The following ADK variants were observed in gnomAD, a reference collection of about 807,000 sequenced individuals.
ADK encodes the protein N6,N6-dimethyladenosine kinase.
ADK carries 24 observed loss-of-function variants against 44.7 expected under a neutral mutation model. The ratio of observed to expected loss-of-function variants is 0.54; its 90% CI spans 0.39 to 0.76. ADK has a LOEUF of 0.76. ADK is among the 30% of genes least tolerant of loss of function. The pLI is 0.00. For synonymous variants in ADK, 128 were observed against 142.6 expected, an observed-to-expected ratio of 0.90 and a Z score of 0.73; for missense variants, 321 against 425.1, an observed-to-expected ratio of 0.76 and a Z score of 2.15.
rs921583710 is a variant in ADK, at chr10:74,166,875, T to A, written c.65+15532T>A. On this transcript the variant is annotated intron_variant, in intron 1 of 10. Transcript: ENST00000539909. ...CTGTAATACCTATTGGCTTTTAGCA[T>A]GGTGCAAGGAAAAGAGCTTTGGATT... 1.4e-4 allele frequency among the ~76,000 whole-genome samples: 22 copies of A among 152,182 alleles called. 1 individual carries two copies. Among genetic ancestry groups the A allele is most frequent in the Admixed American group, 6.5e-5 (1 of 15,276 alleles).
intron 10 of ADK, among the ~76,000 whole-genome samples, chr10:74,686,100 T>C (rs1855777687): frequency 6.6e-6 from 1 of 152,120 alleles, no homozygotes; most frequent in Non-Finnish European, 1.5e-5. Flanking sequence ...TAGCTGGGAC[T>C]GCAGGTGCCC....
intron 6 of ADK, among the ~76,000 whole-genome samples, chr10:74,517,783 A>G (rs781690594): frequency 7.2e-5 from 11 of 152,130 alleles, no homozygotes; most frequent in Middle Eastern, 3.4e-3. Context: ...CAAGTGAATT[A>G]TTCTCTTCTA....
chr10:74,673,079 G>T (rs1328374857), intron 10 of ADK, among the ~76,000 whole-genome samples: 1 of 152,196 alleles, frequency 6.6e-6, no homozygotes, highest in Non-Finnish European at 1.5e-5. Context: ...CCTGTTATCT[G>T]AGTAGATGAC....
At chr10:74,284,514 T>C (rs1847082499) in intron 3 of ADK, among the ~76,000 whole-genome samples, 1 of 152,202 alleles carries the variant, frequency 6.6e-6, no homozygotes, top group Non-Finnish European at 1.5e-5. Context: ...TCTGTCTGCT[T>C]CGGCCTCGCC....
chr10:74,250,775 A>T (rs1163971653), intron 3 of ADK, among the ~76,000 whole-genome samples: 1 of 151,970 alleles, frequency 6.6e-6, no homozygotes, highest in South Asian at 2.1e-4. Context: ...ATTCAGAGGT[A>T]TTTTTGTTTT....
chr10:74,699,461 T>A (rs1242042329), intron 10 of ADK, among the ~76,000 whole-genome samples: 1 of 152,144 alleles, frequency 6.6e-6, no homozygotes. Flanking sequence ...GCGGATCACC[T>A]GCAGTCAGGA....
chr10:74,210,254 A>G (rs1236904723), intron 2 of ADK, among the ~76,000 whole-genome samples: 2 of 147,344 alleles, frequency 1.4e-5, no homozygotes, highest in Non-Finnish European at 3.0e-5. Context: ...GCTTGAACCC[A>G]GGAGCGGAGG....
intron 3 of ADK, among the ~76,000 whole-genome samples, chr10:74,281,323 A>G (rs962603688): frequency 6.6e-6 from 1 of 152,218 alleles, no homozygotes; most frequent in African/African-American, 2.4e-5. Flanking sequence ...AGTAATGGTA[A>G]TTTTATGCCC....
At chr10:74,386,668 G>T (rs1843151010) in intron 4 of ADK, among the ~76,000 whole-genome samples, 1 of 152,124 alleles carries the variant, frequency 6.6e-6, no homozygotes, top group African/African-American at 2.4e-5. Flanking sequence ...TAAATTTCTT[G>T]AAGTGGTATT....
At chr10:74,547,448 T>TA (rs1849867394) in intron 7 of ADK, among the ~76,000 whole-genome samples, 10 of 17,938 alleles carry the variant, frequency 5.6e-4, no homozygotes, top group South Asian at 4.4e-3. Context: ...ATATATATAT[T>TA]TATTTATTTA....
At position 74,444,779 on chromosome 10, in the gene ADK, C is replaced by A. The variant is rs561894318; in HGVS notation, c.555+46200C>A. On this transcript the variant is annotated intron_variant, in intron 6 of 10. Transcript: ENST00000539909. ...GTTCAGGGGTGATGGTCATTAATAT[C>A]TTGATCCATTACTTTTCCTAAAAGA... Among the ~76,000 whole-genome samples the A allele has an allele frequency of 7.9e-5, 12 of 152,082 alleles. No homozygotes were observed. The South Asian group carries it at 2.5e-3, about 31-fold the overall frequency.
chr10:74,165,140 G>A (rs1842003877), intron 1 of ADK, among the ~76,000 whole-genome samples: 1 of 152,190 alleles, frequency 6.6e-6, no homozygotes, highest in Non-Finnish European at 1.5e-5. Context: ...AAGACATCGA[G>A]TTGGGGTGTG....
chr10:74,695,619 G>GTGTGT (rs1554899155), intron 10 of ADK, among the ~76,000 whole-genome samples: 31 of 90,120 alleles, frequency 3.4e-4, no homozygotes, highest in East Asian at 9.2e-4. Flanking sequence ...GTATGTGTGG[G>GTGTGT]GTGTGTGTGT....
rs57958159 is a variant in ADK, at chr10:74,356,002, A to ATATTGGTTTTTTTTT, written c.274-38138_274-38137insATTGGTTTTTTTTTT. Reference sequence around the variant, plus strand: ...TCTGAAATATTTCACTAAATAATTCATTTTTTTTTTTTTTTTTTTTTTTTT... The same window carrying ATATTGGTTTTTTTTT: ...TCTGAAATATTTCACTAAATAATTCATATTGGTTTTTTTTTTTTTTTTTTTTTTTTTTTTTTTTTT... On this transcript the variant is annotated intron_variant, in intron 4 of 10. Coordinates refer to ENST00000539909, the MANE Select transcript of ADK (RefSeq NM_006721.4). Among the ~76,000 whole-genome samples, 9 of 83,310 alleles carry ATATTGGTTTTTTTTT rather than the reference A, an allele frequency of 1.1e-4. 2 individuals are homozygous for ATATTGGTTTTTTTTT. Among genetic ancestry groups the ATATTGGTTTTTTTTT allele is most frequent in the Admixed American group, 1.4e-4 (1 of 7,156 alleles). 54.7% of individuals were successfully genotyped at this position (83,310 alleles called of 152,430 possible). A position where few individuals can be genotyped will look rare whatever the true frequency, so the allele number is the denominator to read the frequency against.
intron 9 of ADK, among the ~76,000 whole-genome samples, chr10:74,609,923 A>T (rs957664805): frequency 1.3e-5 from 2 of 152,100 alleles, no homozygotes; most frequent in African/African-American, 4.8e-5. Context: ...TTTCAGATTG[A>T]GTTTCCATCT....
At chr10:74,152,031 C>T (rs185162120) in intron 1 of ADK, among the ~76,000 whole-genome samples, 3 of 152,316 alleles carry the variant, frequency 2.0e-5, no homozygotes, top group South Asian at 2.1e-4. Context: ...TAAAATATCC[C>T]TTCCTAATAA....
intron 7 of ADK, among the ~76,000 whole-genome samples, chr10:74,544,496 A>G (rs188765363): frequency 8.3e-4 from 126 of 152,352 alleles, no homozygotes; most frequent in African/African-American, 2.8e-3. Context: ...TAGAAACTTG[A>G]TAAATGTGGT....
intron 6 of ADK, among the ~76,000 whole-genome samples, chr10:74,401,675 A>G (rs1275311963): frequency 6.6e-6 from 1 of 151,936 alleles, no homozygotes; most frequent in Non-Finnish European, 1.5e-5. Flanking sequence ...CAGTACACTG[A>G]TGGATCTTGA....
At chr10:74,269,104 T>G (rs1846327725) in intron 3 of ADK, among the ~76,000 whole-genome samples, 3 of 152,190 alleles carry the variant, frequency 2.0e-5, no homozygotes, top group African/African-American at 2.4e-5. Context: ...TCTATTAACA[T>G]TCATCTTTAT....
Sources: gnomAD v4.1 joint callset for allele counts (sites outside exome capture counted in the v4.1 genomes callset) on GRCh38, gnomAD v4.1.1 for gene constraint, MANE v1.5 for transcripts, NCBI Gene and HGNC (gene_info 2026-07-23, HGNC 2026-07-21) for gene names.